Variants in SS18L1 observed in about 807,000 individuals in gnomAD.
The protein encoded by SS18L1 is SS18L1 subunit of BAF chromatin remodeling complex, also known as calcium-responsive transactivator.
A neutral mutation model predicts 70.3 loss-of-function variants in SS18L1; 32 were observed. That is an observed-to-expected ratio of 0.46 (90% CI 0.34 to 0.61). SS18L1 has a LOEUF of 0.61. Ranked by LOEUF, SS18L1 falls within the 20% of genes least tolerant of loss-of-function variation. The pLI is 0.01. For synonymous variants in SS18L1, 237 were observed against 229.7 expected (o/e 1.03, Z -0.29); for missense variants, 430 against 542.1 (o/e 0.79, Z 2.05).
chr20:62,148,945 G>C (rs2145693712), intron 1 of SS18L1, among the ~76,000 whole-genome samples: 1 of 152,394 alleles, frequency 6.6e-6, no homozygotes, highest in South Asian at 2.1e-4. Context: ...CGGGTGTGGA[G>C]TCTGGAGCCA....
At chr20:62,147,198 G>A (rs1419863930) in intron 1 of SS18L1, among the ~76,000 whole-genome samples, 2 of 152,180 alleles carry the variant, frequency 1.3e-5, no homozygotes, top group Non-Finnish European at 2.9e-5. Flanking sequence ...AAAGTGGAAG[G>A]GCAGGGGGTG....
chr20:62,151,843 C>T lies in SS18L1; in HGVS notation c.70-6829C>T, dbSNP rs188292204. 1.1e-3 allele frequency among the ~76,000 whole-genome samples: 158 copies of T among 144,048 alleles called. 1 individual carries two copies. Among genetic ancestry groups the T allele is most frequent in the African/African-American group, 3.8e-3 (144 of 37,804 alleles). The allele number at this position is 144,048 out of a possible 152,430, so 94.5% of individuals were successfully genotyped here. On this transcript the variant is annotated intron_variant, in intron 1 of 10. Transcript: ENST00000331758. ...CCCGCTCCCCATAGCTGGCCTCCCC[C>T]GTTCCCCTCTTTTCCCGCTCCCCAG...
intron 1 of SS18L1, among the ~76,000 whole-genome samples, chr20:62,147,888 A>G (rs2057060019): frequency 6.6e-6 from 1 of 152,034 alleles, no homozygotes; most frequent in South Asian, 2.1e-4. Flanking sequence ...CTGGGTGGGG[A>G]TGGGCTGCGG....
intron 10 of SS18L1, chr20:62,175,233 G>A: frequency 1.0e-6 from 1 of 985,024 alleles, no homozygotes; most frequent in Non-Finnish European, 1.2e-6. Context: ...AGGAGCTGAG[G>A]AAAGAGCAGC....
intron 8 of SS18L1, among the ~76,000 whole-genome samples, chr20:62,169,382 A>G (rs2057490039): frequency 1.3e-5 from 2 of 152,250 alleles, no homozygotes; most frequent in South Asian, 4.1e-4. Context: ...AGTCCAGAGC[A>G]GGGGTGGAAG....
chr20:62,179,154 G>GT (rs1188424067), intron 10 of SS18L1, 28 bp from the exon 11 acceptor site: 1 of 1,613,866 alleles, frequency 6.2e-7, no homozygotes, highest in African/African-American at 1.3e-5. Context: ...TACTATAGGG[G>GT]TGTAATCTGT....
chr20:62,168,534 C>T (rs1402517482), intron 8 of SS18L1, among the ~76,000 whole-genome samples: 1 of 151,956 alleles, frequency 6.6e-6, no homozygotes, highest in East Asian at 1.9e-4. Flanking sequence ...GTGATCCCAG[C>T]ATCAGGCCAG....
rs34708339 is a variant in SS18L1, at chr20:62,150,633, ATTTTTTTTTTTTTTTTTTTTTT to A, written c.69+6760_69+6781del. On this transcript the variant is annotated intron_variant, in intron 1 of 10. Coordinates refer to ENST00000331758, the MANE Select transcript of SS18L1 (RefSeq NM_198935.3). ...CGGAGCATAAGAAACATTGAGGTGGATTTTTTTTTTTTTTTTTTTTTTTTTTTTTTTTTTTTTGGAGACAGAG... is the reference window on the plus strand; with the variant it reads ...CGGAGCATAAGAAACATTGAGGTGGATTTTTTTTTTTTTTTGGAGACAGAG... 8.6e-4 allele frequency among the ~76,000 whole-genome samples: 50 copies of A among 58,054 alleles called. 1 individual carries two copies. The highest frequency in any genetic ancestry group is 2.0e-3 in the Admixed American group (9 of 4,458). 38.1% of individuals were successfully genotyped at this position (58,054 alleles called of 152,430 possible).
At chr20:62,168,778 C>T (rs186335499) in intron 8 of SS18L1, among the ~76,000 whole-genome samples, 15 of 152,260 alleles carry the variant, frequency 9.9e-5, no homozygotes, top group African/African-American at 1.7e-4. Context: ...CACACCACTG[C>T]GCTCCAGCCT....
At chr20:62,176,006 G>C (rs1021284297) in intron 10 of SS18L1, among the ~76,000 whole-genome samples, 2 of 152,234 alleles carry the variant, frequency 1.3e-5, no homozygotes, top group South Asian at 2.1e-4. Flanking sequence ...CCCCAGCTTG[G>C]CCCTCCAGGT....
Position 62,180,902 on chromosome 20 carries a change from A to G in SS18L1, c.*1694A>G, listed in dbSNP as rs1334786957. ...AAGAGTGAAATTCCGTCTCAAAAAA[A>G]TAAATAAATAAATAAATAAATAAGT... On this transcript the variant is annotated 3_prime_UTR_variant, in exon 11 of 11. Coordinates refer to ENST00000331758, the MANE Select transcript of SS18L1 (RefSeq NM_198935.3). 2.7e-5 allele frequency: 4 copies of G among 146,344 alleles called. No homozygotes were observed. The highest frequency in any genetic ancestry group is 6.3e-5 in the Non-Finnish European group (4 of 63,190). 9.1% of individuals were successfully genotyped at this position (146,344 alleles called of 1,614,324 possible).
At chr20:62,169,285 C>T (rs562182182) in intron 8 of SS18L1, among the ~76,000 whole-genome samples, 17 of 152,314 alleles carry the variant, frequency 1.1e-4, no homozygotes, top group Non-Finnish European at 1.6e-4. Context: ...CTTGCACACA[C>T]GCACACTCAC....
intron 10 of SS18L1, among the ~76,000 whole-genome samples, chr20:62,178,666 C>G (rs117555429): frequency 0.012 from 1,809 of 152,324 alleles, 21 homozygotes; most frequent in Non-Finnish European, 0.013. Flanking sequence ...TCCCACCTCA[C>G]CCTCCAAGTA....
At position 62,180,419 on chromosome 20, in the gene SS18L1, A is replaced by G. The variant is rs189226221; in HGVS notation, c.*1211A>G. 2.0e-3 allele frequency: 369 copies of G among 184,828 alleles called. 1 individual carries two copies. The highest frequency in any genetic ancestry group is 0.012 in the Middle Eastern group (6 of 488). The allele number at this position is 184,828 out of a possible 1,614,324, so 11.4% of individuals were successfully genotyped here. A position where few individuals can be genotyped will look rare whatever the true frequency, so the allele number is the denominator to read the frequency against. On this transcript the variant is annotated 3_prime_UTR_variant, in exon 11 of 11. Coordinates refer to ENST00000331758, the MANE Select transcript of SS18L1 (RefSeq NM_198935.3). ...ATTTCAATTAACAAGTAGCATGGAC[A>G]TTTGATCAACCTTTAGTTGGAATAA...
chr20:62,174,920 G>C lies in SS18L1; in HGVS notation c.1164+276G>C, dbSNP rs930166443. 1 of 985,030 alleles carries C rather than the reference G, an allele frequency of 1.0e-6. No individual in the cohort carries two copies. Among genetic ancestry groups the C allele is most frequent in the Non-Finnish European group, 1.2e-6 (1 of 829,658 alleles). The allele number at this position is 985,030 out of a possible 1,614,324, so 61.0% of individuals were successfully genotyped here. On this transcript the variant is annotated intron_variant, in intron 10 of 10. Transcript: ENST00000331758. This position sits in a 1 kb window ranked among gnomAD's most constrained non-coding sequence, Gnocchi z 4.1. Reference sequence around the variant, plus strand: ...CATTCACTCTGCCAGTGTTTGTCACGTACTGGGTACGCGTCCGGTCTCTGC... The same window carrying C: ...CATTCACTCTGCCAGTGTTTGTCACCTACTGGGTACGCGTCCGGTCTCTGC...
Position 62,174,901 on chromosome 20 carries a change from C to T in SS18L1, c.1164+257C>T, listed in dbSNP as rs2057594720. On this transcript the variant is annotated intron_variant, in intron 10 of 10. Transcript: ENST00000331758. This position sits in a 1 kb window ranked among gnomAD's most constrained non-coding sequence, Gnocchi z 4.1. ...CACGCCTGGTTCTCACATTCATTCA[C>T]TCTGCCAGTGTTTGTCACGTACTGG... The T allele has an allele frequency of 1.0e-6, 1 of 985,366 alleles. No individual in the cohort carries two copies. Among genetic ancestry groups the T allele is most frequent in the South Asian group, 4.7e-5 (1 of 21,292 alleles). 61.0% of individuals were successfully genotyped at this position (985,366 alleles called of 1,614,324 possible). A position where few individuals can be genotyped will look rare whatever the true frequency, so the allele number is the denominator to read the frequency against.
chr20:62,177,158 C>T (rs1473166241), intron 10 of SS18L1, among the ~76,000 whole-genome samples: 1 of 151,762 alleles, frequency 6.6e-6, no homozygotes, highest in African/African-American at 2.4e-5. Context: ...GGCGCTGTGG[C>T]TCACGCCTAT....
rs2057325466 is a variant in SS18L1 at position 62,161,303 on chromosome 20, AT to A, written c.232-131del. Reference sequence around the variant, plus strand: ...CACCTGGCTGTGACGATGGCTGCTGATTACGAACATTGACCAGGTGGCCATG... The same window carrying A: ...CACCTGGCTGTGACGATGGCTGCTGATACGAACATTGACCAGGTGGCCATG... On this transcript the variant is annotated intron_variant, in intron 3 of 10. Transcript: ENST00000331758. The surrounding 1 kb of genome is among the most constrained non-coding windows in gnomAD (Gnocchi z 4.4). 1 of 1,294,982 alleles carries A rather than the reference AT, an allele frequency of 7.7e-7. No homozygotes were observed. The allele number at this position is 1,294,982 out of a possible 1,614,324, so 80.2% of individuals were successfully genotyped here. A position where few individuals can be genotyped will look rare whatever the true frequency, so the allele number is the denominator to read the frequency against.
chr20:62,172,341 A>T (rs931987083), intron 8 of SS18L1, among the ~76,000 whole-genome samples: 2 of 151,962 alleles, frequency 1.3e-5, no homozygotes, highest in African/African-American at 4.8e-5. Context: ...AAAAAAAAAA[A>T]AAATTATATC....
Sources: allele counts gnomAD v4.1 joint callset (sites outside exome capture counted in the v4.1 genomes callset), GRCh38; gene constraint gnomAD v4.1.1; non-coding constraint Gnocchi (gnomAD v3.1); transcripts MANE v1.5; gene names NCBI Gene and HGNC (gene_info 2026-07-23, HGNC 2026-07-21).